IL5RA: variants seen among roughly 807,000 people sequenced by gnomAD.
The protein encoded by IL5RA is interleukin-5 receptor subunit alpha.
Under a neutral mutation model 50.0 loss-of-function variants are expected in IL5RA, and 49 were observed. That is an observed-to-expected ratio of 0.98 (90% CI 0.78 to 1.24). The LOEUF (loss-of-function observed/expected upper bound fraction) is 1.24, where lower values mean the gene tolerates loss of function less well. Ranked by LOEUF, IL5RA falls within the 50% of genes most tolerant of loss-of-function variation. The pLI is 0.00. For synonymous variants in IL5RA, 202 were observed against 174.0 expected (o/e 1.16, Z -1.26); for missense variants, 600 against 500.4 (o/e 1.20, Z -1.90).
At chr3:3,089,037 A>G (rs1027605118) in intron 9 of IL5RA, among the ~76,000 whole-genome samples, 3 of 152,162 alleles carry the variant, frequency 2.0e-5, no homozygotes, top group Admixed American at 6.5e-5. Flanking sequence ...ATGTCGAGGA[A>G]AGTCCTGTGT....
chr3:3,075,611 T>C (rs931703263), intron 10 of IL5RA, among the ~76,000 whole-genome samples: 2 of 151,550 alleles, frequency 1.3e-5, no homozygotes, highest in African/African-American at 4.9e-5. Context: ...AGTCTTTTTT[T>C]TTTTTTTGAG....
chr3:3,095,408 A>G lies in IL5RA; in HGVS notation c.746T>C (p.Ile249Thr), dbSNP rs146339359. The G allele has an allele frequency of 8.1e-6, 13 of 1,612,620 alleles. No homozygotes were observed. In the African/African-American group the frequency reaches 9.3e-5, roughly 12 times the overall value. The change falls in exon 8 of 12, where the codon ATT (isoleucine) becomes ACT (threonine). Residue 249 changes from isoleucine to threonine, a missense_variant. Physicochemically the swap from Ile to Thr is moderately conservative, Grantham distance 89 (BLOSUM62 -1). Transcript: ENST00000446632. ...INPPLNVTAE[I>T]EGTRLSIQWE... ...TTGGATAGAGAGACGAGTTCCTTCAATCTCTGCTGTGACATTCAGTGGAGG... is the reference window on the plus strand; with the variant it reads ...TTGGATAGAGAGACGAGTTCCTTCAGTCTCTGCTGTGACATTCAGTGGAGG...
intron 9 of IL5RA, among the ~76,000 whole-genome samples, chr3:3,090,637 G>T (rs1703053203): frequency 6.7e-6 from 1 of 148,694 alleles, no homozygotes; most frequent in South Asian, 2.1e-4. Context: ...TGCGATCTCG[G>T]CTCACTGCAA....
chr3:3,086,091 C>A, intron 9 of IL5RA, among the ~76,000 whole-genome samples: 1 of 152,124 alleles, frequency 6.6e-6, no homozygotes, highest in Non-Finnish European at 1.5e-5. Flanking sequence ...AAAACTCCAT[C>A]GTTTCTTTGA....
chr3:3,090,809 G>A (rs1456311483), intron 9 of IL5RA, among the ~76,000 whole-genome samples: 2 of 151,774 alleles, frequency 1.3e-5, no homozygotes, highest in Non-Finnish European at 2.9e-5. Flanking sequence ...TCCTGACCTC[G>A]TGATCTGCCC....
At position 3,066,489 on chromosome 3, in the gene IL5RA, A is replaced by C. The variant is rs1702140796; in HGVS notation, c.*3736T>G. On this transcript the variant is annotated 3_prime_UTR_variant, in exon 12 of 12. Transcript: ENST00000446632. ...TGCACCCTGGTACTCAATTTGAAGG[A>C]TGTAGAAGCAGGAATAGCTACAGTC... 2 of 152,362 alleles carry C rather than the reference A, an allele frequency of 1.3e-5. No individual in the cohort carries two copies. The highest frequency in any genetic ancestry group is 1.9e-4 in the East Asian group (1 of 5,190). 9.4% of individuals were successfully genotyped at this position (152,362 alleles called of 1,614,324 possible).
intron 3 of IL5RA, among the ~76,000 whole-genome samples, chr3:3,103,248 C>A (rs1703740811): frequency 6.6e-6 from 1 of 152,134 alleles, no homozygotes; most frequent in African/African-American, 2.4e-5. Context: ...AGGTGTTTAC[C>A]TATAATACCT....
intron 1 of IL5RA, among the ~76,000 whole-genome samples, chr3:3,109,546 G>T (rs777412712): frequency 6.6e-6 from 1 of 152,074 alleles, no homozygotes; most frequent in Non-Finnish European, 1.5e-5. Flanking sequence ...GTCTTATATT[G>T]ATGTAAGCAC....
chr3:3,097,751 G>T, intron 7 of IL5RA, 119 bp downstream of exon 7: 5 of 1,089,250 alleles, frequency 4.6e-6, no homozygotes, highest in Non-Finnish European at 5.2e-6. Context: ...TTCAAACATG[G>T]GTCTGATGCT....
intron 9 of IL5RA, among the ~76,000 whole-genome samples, chr3:3,084,671 C>T (rs927137003): frequency 2.6e-5 from 4 of 152,178 alleles, no homozygotes; most frequent in South Asian, 2.1e-4. Flanking sequence ...TAATAGCCCC[C>T]GGGGCAATGG....
chr3:3,097,784 A>T (rs1460365768), intron 7 of IL5RA, 86 bp downstream of exon 7: 4 of 1,410,342 alleles, frequency 2.8e-6, no homozygotes, highest in African/African-American at 1.4e-5. Flanking sequence ...GAGAAGCAGT[A>T]AAACTAGGTG....
chr3:3,075,277 A>T (rs1574975952), intron 10 of IL5RA, among the ~76,000 whole-genome samples: 1 of 117,996 alleles, frequency 8.5e-6, no homozygotes, highest in Non-Finnish European at 1.6e-5. Context: ...ATCGTGGCTT[A>T]TTGCAATCTC....
Position 3,092,593 on chromosome 3 carries a change from G to A in IL5RA, c.856-231C>T, listed in dbSNP as rs549840739. ...AACCAAAATATACGAAATGATCAAC[G>A]GTCAAGATCCAGGTGTTCCTATCCA... On this transcript the variant is annotated intron_variant, in intron 8 of 11. Transcript: ENST00000446632. This position sits in a 1 kb window ranked among gnomAD's most constrained non-coding sequence, Gnocchi z 4.2. Among the ~76,000 whole-genome samples, 59 of 152,266 alleles carry A rather than the reference G, an allele frequency of 3.9e-4. No individual in the cohort carries two copies. Among genetic ancestry groups the A allele is most frequent in the Admixed American group, 7.2e-4 (11 of 15,288 alleles).
chr3:3,095,514 C>T lies in IL5RA; in HGVS notation c.710-70G>A, dbSNP rs544784900. ...GTGATCAAAGCTGATAATTCCAATCCACCCACACTTCTCAAGGCATTTCTA... is the reference window on the plus strand; with the variant it reads ...GTGATCAAAGCTGATAATTCCAATCTACCCACACTTCTCAAGGCATTTCTA... On this transcript the variant is annotated intron_variant, in intron 7 of 11. Coordinates refer to ENST00000446632, the MANE Select transcript of IL5RA (RefSeq NM_175726.4). The T allele has an allele frequency of 1.1e-4, 135 of 1,233,672 alleles. 3 individuals carry two copies. The South Asian group carries it at 1.7e-3, about 15-fold the overall frequency. 76.4% of individuals were successfully genotyped at this position (1,233,672 alleles called of 1,614,324 possible). A position where few individuals can be genotyped will look rare whatever the true frequency, so the allele number is the denominator to read the frequency against.
intron 7 of IL5RA, among the ~76,000 whole-genome samples, chr3:3,097,341 C>G (rs988536895): frequency 1.3e-5 from 2 of 152,166 alleles, no homozygotes; most frequent in African/African-American, 4.8e-5. Flanking sequence ...GGGAAACGTG[C>G]TGCCTGTGAA....
chr3:3,081,071 C>T (rs1056445908), intron 9 of IL5RA, among the ~76,000 whole-genome samples: 2 of 152,018 alleles, frequency 1.3e-5, no homozygotes, highest in African/African-American at 4.8e-5. Context: ...AAGGCATTAG[C>T]CACATTTTGT....
intron 5 of IL5RA, among the ~76,000 whole-genome samples, chr3:3,100,739 C>T (rs6793085): frequency 0.48 from 72,525 of 152,000 alleles, 17,527 homozygotes; most frequent in South Asian, 0.72. Flanking sequence ...GGTGGTTTGA[C>T]GTAAGCCACA....
intron 8 of IL5RA, among the ~76,000 whole-genome samples, chr3:3,094,614 A>G (rs1478507360): frequency 6.6e-6 from 1 of 152,164 alleles, no homozygotes; most frequent in South Asian, 2.1e-4. Context: ...ATTCTTTTGT[A>G]TATGTAATCA....
intron 9 of IL5RA, among the ~76,000 whole-genome samples, chr3:3,086,858 A>G (rs1702884412): frequency 6.6e-6 from 1 of 152,258 alleles, no homozygotes; most frequent in South Asian, 2.1e-4. Context: ...TGTGGTAAAC[A>G]TACACAATGA....
Sources: gnomAD v4.1 joint callset for allele counts (sites outside exome capture counted in the v4.1 genomes callset) on GRCh38, gnomAD v4.1.1 for gene constraint, Gnocchi (gnomAD v3.1) non-coding constraint, MANE v1.5 for transcripts, NCBI Gene and HGNC (gene_info 2026-07-23, HGNC 2026-07-21) for gene names.